The following GNB4 variants were observed in gnomAD, a reference collection of about 807,000 sequenced individuals.
The protein encoded by GNB4 is guanine nucleotide-binding protein subunit beta-4.
GNB4 carries 28 observed loss-of-function variants against 45.2 expected under a neutral mutation model. The ratio of observed to expected loss-of-function variants is 0.62; its 90% CI spans 0.46 to 0.85. The LOEUF (loss-of-function observed/expected upper bound fraction) is 0.85. GNB4 is among the 40% of genes least tolerant of loss of function. The pLI is 0.00. For synonymous variants in GNB4, 132 were observed against 143.7 expected (o/e 0.92, Z 0.58); for missense variants, 321 against 425.4 (o/e 0.75, Z 2.16).
chr3:179,408,239 A>C (rs549085094), intron 8 of GNB4, among the ~76,000 whole-genome samples: 1 of 152,352 alleles, frequency 6.6e-6, no homozygotes, highest in African/African-American at 2.4e-5. Flanking sequence ...AAAAAGTCAC[A>C]GAAGATAAAA....
the GNB4 span, among the ~76,000 whole-genome samples, chr3:179,516,121 T>C: frequency 3.3e-5 from 5 of 152,212 alleles, no homozygotes; most frequent in African/African-American, 1.2e-4. Context: ...TGGGCTCTAT[T>C]CTTGAGAGAG....
At chr3:179,426,880 C>A (rs1715161041) in intron 1 of GNB4, among the ~76,000 whole-genome samples, 1 of 152,122 alleles carries the variant, frequency 6.6e-6, no homozygotes, top group Non-Finnish European at 1.5e-5. Context: ...CTAATTAGAG[C>A]AACTAGAGAT....
rs748747265 is a variant in GNB4, at chr3:179,413,471, G to A, written c.640C>T (p.Arg214Ter). The change falls in exon 8 of 10, where the codon CGA becomes TGA. Residue 214 changes from arginine (R) to a stop codon, truncating the protein, a stop_gained. Coordinates refer to ENST00000232564, the MANE Select transcript of GNB4 (RefSeq NM_021629.4). LOFTEE classifies it high-confidence loss of function. ...CDASSKLWDIRDGMCRQSFTG... is the reference protein window; with the variant it reads ...CDASSKLWDI ...AAAGACTGTCTACACATTCCATCTCGAATATCCCATAATTTGGAAGAGGCA... is the reference window on the plus strand; with the variant it reads ...AAAGACTGTCTACACATTCCATCTCAAATATCCCATAATTTGGAAGAGGCA... The A allele has an allele frequency of 1.2e-6, 2 of 1,613,956 alleles. No homozygotes were observed. The highest frequency in any genetic ancestry group is 1.3e-5 in the African/African-American group (1 of 74,998).
chr3:179,454,805 A>G (rs11922153), upstream of GNB4, among the ~76,000 whole-genome samples: 38,558 of 152,088 alleles, frequency 0.25, 5,619 homozygotes, highest in Middle Eastern at 0.44. Context: ...ATACAACATC[A>G]CAACTACCGT....
chr3:179,436,710 C>G (rs1314526657), intron 1 of GNB4, among the ~76,000 whole-genome samples: 1 of 152,158 alleles, frequency 6.6e-6, no homozygotes, highest in Non-Finnish European at 1.5e-5. Context: ...AACCGTACAG[C>G]TGCATGGGGC....
chr3:179,470,906 G>C, the GNB4 span, among the ~76,000 whole-genome samples: 1 of 152,182 alleles, frequency 6.6e-6, no homozygotes. Flanking sequence ...TAGGCCGGGC[G>C]CCGTGGCTTA....
chr3:179,521,213 C>A, the GNB4 span, among the ~76,000 whole-genome samples: 8 of 152,194 alleles, frequency 5.3e-5, no homozygotes, highest in African/African-American at 1.9e-4. Flanking sequence ...GGCCTTCCCA[C>A]CTCTATACAG....
chr3:179,442,759 T>G (rs1206074676), intron 1 of GNB4, among the ~76,000 whole-genome samples: 1 of 151,952 alleles, frequency 6.6e-6, no homozygotes, highest in Non-Finnish European at 1.5e-5. Context: ...ACCAAGTTGC[T>G]GGAACTACAG....
At chr3:179,480,263 C>A in the GNB4 span, among the ~76,000 whole-genome samples, 1 of 152,188 alleles carries the variant, frequency 6.6e-6, no homozygotes, top group Non-Finnish European at 1.5e-5. Flanking sequence ...TCTCCTATAG[C>A]AACAGAAAAC....
At chr3:179,521,346 G>T in the GNB4 span, among the ~76,000 whole-genome samples, 9 of 152,136 alleles carry the variant, frequency 5.9e-5, no homozygotes, top group Admixed American at 5.9e-4. Flanking sequence ...AACTTAAAAA[G>T]GACTGGACAA....
chr3:179,494,929 AAAGG>A, the GNB4 span, among the ~76,000 whole-genome samples: 334 of 150,426 alleles, frequency 2.2e-3, 2 homozygotes, highest in African/African-American at 7.9e-3. Flanking sequence ...AAAAAAAAAA[AAAGG>A]AAGGAAGGAA....
intron 9 of GNB4, among the ~76,000 whole-genome samples, 186 bp from the exon 10 acceptor site, chr3:179,401,505 TAA>T (rs1714301078): frequency 6.6e-6 from 1 of 152,172 alleles, no homozygotes; most frequent in Non-Finnish European, 1.5e-5. Flanking sequence ...AAGTTAGGAG[TAA>T]GCTGGATGTA....
chr3:179,416,330 C>T (rs1043685073), intron 5 of GNB4, among the ~76,000 whole-genome samples, 163 bp downstream of exon 5: 2 of 151,886 alleles, frequency 1.3e-5, no homozygotes, highest in Non-Finnish European at 2.9e-5. Flanking sequence ...AAGGGTTAAA[C>T]ATTAAAAGTA....
chr3:179,468,504 A>AAAAAAC, the GNB4 span, among the ~76,000 whole-genome samples: 2 of 150,566 alleles, frequency 1.3e-5, no homozygotes, highest in Non-Finnish European at 3.0e-5. Flanking sequence ...TCAAGAAAAA[A>AAAAAAC]AAAAAACAAA....
intron 8 of GNB4, among the ~76,000 whole-genome samples, chr3:179,408,138 C>G (rs1266908624): frequency 6.6e-6 from 1 of 151,902 alleles, no homozygotes; most frequent in African/African-American, 2.4e-5. Context: ...TTCACAATGT[C>G]TGGTATCTAA....
In GNB4 at chr3:179,419,451, G is replaced by A. The variant is rs1224995489; in HGVS notation, c.151C>T (p.Leu51=). ...TAGATTTTAGCTAGGTGGCCCCTCA[G>A]TGTACGTCTTGTTCGCATTTGTATT... ...GRIQMRTRRT[L]RGHLAKIYAM... Residue 51 remains leucine, a synonymous_variant, in exon 4 of 10, where the codon CTG becomes TTG. Transcript: ENST00000232564. The A allele has an allele frequency of 3.1e-6, 5 of 1,613,426 alleles. No homozygotes were observed. Among genetic ancestry groups the A allele is most frequent in the Non-Finnish European group, 4.2e-6 (5 of 1,179,394 alleles).
the GNB4 span, among the ~76,000 whole-genome samples, chr3:179,484,794 AATCAACTAT>A: frequency 1.3e-5 from 2 of 151,826 alleles, no homozygotes; most frequent in East Asian, 3.9e-4. Flanking sequence ...AATGTTAATC[AATCAACTAT>A]ATCAACTATA....
At chr3:179,519,593 T>C in the GNB4 span, among the ~76,000 whole-genome samples, 4 of 152,132 alleles carry the variant, frequency 2.6e-5, no homozygotes, top group African/African-American at 4.8e-5. Context: ...TTTTTAGTTA[T>C]CCCCACCTGC....
chr3:179,464,852 T>C, the GNB4 span: 2 of 1,341,408 alleles, frequency 1.5e-6, no homozygotes, highest in Non-Finnish European at 1.1e-6. Flanking sequence ...TTTGGACCAG[T>C]ATTCCATGTT....
Sources: allele counts gnomAD v4.1 joint callset (sites outside exome capture counted in the v4.1 genomes callset), GRCh38; gene constraint gnomAD v4.1.1; transcripts MANE v1.5; gene names NCBI Gene and HGNC (gene_info 2026-07-23, HGNC 2026-07-21).